Variants in TBC1D22A observed in about 807,000 individuals in gnomAD.
TBC1D22A encodes the protein putative GTPase activator.
TBC1D22A carries 38 observed loss-of-function variants against 60.2 expected under a neutral mutation model. The observed-to-expected ratio is 0.63, with a 90% CI of 0.49 to 0.83. TBC1D22A has a LOEUF of 0.83. Among genes scored for constraint, TBC1D22A ranks in the 40% least tolerant of loss-of-function variants. The pLI, the probability that TBC1D22A is intolerant of heterozygous loss-of-function variation, is 0.00. For synonymous variants in TBC1D22A, 302 were observed against 281.7 expected, an observed-to-expected ratio of 1.07 and a Z score of -0.72; for missense variants, 628 against 701.0, an observed-to-expected ratio of 0.90 and a Z score of 1.18.
intron 8 of TBC1D22A, among the ~76,000 whole-genome samples, chr22:46,965,515 A>G (rs570703816): frequency 6.6e-6 from 1 of 152,242 alleles, no homozygotes; most frequent in Non-Finnish European, 1.5e-5. Context: ...TGCAGAATGC[A>G]TTCGTCATCT....
intron 4 of TBC1D22A, among the ~76,000 whole-genome samples, chr22:46,805,854 T>C (rs1186907363): frequency 6.7e-6 from 1 of 149,986 alleles, no homozygotes; most frequent in Non-Finnish European, 1.5e-5. Flanking sequence ...CTTCTTCTTC[T>C]TTTTTTTCTT....
chr22:47,166,640 G>C (rs1973525505), intron 12 of TBC1D22A, among the ~76,000 whole-genome samples: 2 of 152,198 alleles, frequency 1.3e-5, no homozygotes, highest in South Asian at 4.1e-4. Context: ...TCCATCTGTT[G>C]CCTGACCTAC....
chr22:47,153,451 A>G (rs2067583280), intron 12 of TBC1D22A, among the ~76,000 whole-genome samples: 1 of 151,976 alleles, frequency 6.6e-6, no homozygotes, highest in South Asian at 2.1e-4. Context: ...AGGAAACAGC[A>G]TGGGCGGTGA....
At position 47,086,454 on chromosome 22, in the gene TBC1D22A, T is replaced by TCAAA. The variant is rs367825282; in HGVS notation, c.1330-25032_1330-25029dup. ...TGGGCGACAAGAGTGAAACCCCATC[T>TCAAA]CAAACAAACAAACAAACAAACAAAC... is the stretch of plus-strand genomic sequence containing the variant. On this transcript the variant is annotated intron_variant, in intron 11 of 12. Coordinates refer to ENST00000337137, the MANE Select transcript of TBC1D22A (RefSeq NM_014346.5). Among the ~76,000 whole-genome samples the TCAAA allele has an allele frequency of 5.9e-3, 901 of 152,152 alleles. 2 individuals carry two copies. Among genetic ancestry groups the TCAAA allele is most frequent in the African/African-American group, 8.6e-3 (358 of 41,494 alleles).
intron 9 of TBC1D22A, among the ~76,000 whole-genome samples, chr22:46,975,113 G>A (rs2074244342): frequency 6.6e-6 from 1 of 152,156 alleles, no homozygotes. Flanking sequence ...CAGCTGAGGG[G>A]GATGGATGGG....
At chr22:47,049,923 G>A (rs779175037) in intron 11 of TBC1D22A, among the ~76,000 whole-genome samples, 2 of 152,244 alleles carry the variant, frequency 1.3e-5, no homozygotes, top group African/African-American at 2.4e-5. Context: ...GTCCCCCTGT[G>A]TTTGGGGAAC....
chr22:47,081,209 C>T (rs1283447964), intron 11 of TBC1D22A, among the ~76,000 whole-genome samples: 2 of 151,872 alleles, frequency 1.3e-5, no homozygotes, highest in African/African-American at 4.8e-5. Flanking sequence ...CAAAATCTAC[C>T]CATGTGACTG....
At chr22:46,771,861 C>T (rs1313257198) in intron 1 of TBC1D22A, among the ~76,000 whole-genome samples, 1 of 152,054 alleles carries the variant, frequency 6.6e-6, no homozygotes, top group African/African-American at 2.4e-5. Flanking sequence ...TCCCAGAGTG[C>T]TGAGATTACA....
At chr22:46,808,025 TTAAAA>T (rs563314182) in intron 4 of TBC1D22A, among the ~76,000 whole-genome samples, 38 of 151,794 alleles carry the variant, frequency 2.5e-4, no homozygotes, top group Middle Eastern at 3.4e-3. Flanking sequence ...TCATAGATGA[TTAAAA>T]TAAGAAAATG....
At position 47,052,245 on chromosome 22, in the gene TBC1D22A, A is replaced by G. The variant is rs185891428; in HGVS notation, c.1329+15047A>G. Among the ~76,000 whole-genome samples the G allele has an allele frequency of 2.7e-3, 413 of 152,348 alleles. 1 individual carries two copies. The highest frequency in any genetic ancestry group is 4.2e-3 in the Non-Finnish European group (287 of 68,026). On this transcript the variant is annotated intron_variant, in intron 11 of 12. Coordinates refer to ENST00000337137, the MANE Select transcript of TBC1D22A (RefSeq NM_014346.5). ...TTTTGAATACTTGAGTCCATCAGGA[A>G]ATATTGAATCATTCCATAGTCCAGA...
At chr22:46,805,556 G>A (rs2085090403) in intron 4 of TBC1D22A, among the ~76,000 whole-genome samples, 2 of 152,174 alleles carry the variant, frequency 1.3e-5, no homozygotes, top group Admixed American at 1.3e-4. Context: ...GGAAGGAGCA[G>A]TCACCAGGGC....
chr22:46,854,961 A>C (rs952280463), intron 4 of TBC1D22A, among the ~76,000 whole-genome samples: 1 of 152,232 alleles, frequency 6.6e-6, no homozygotes, highest in Non-Finnish European at 1.5e-5. Flanking sequence ...TACTCCAATG[A>C]CACAATAGAT....
intron 11 of TBC1D22A, among the ~76,000 whole-genome samples, chr22:47,049,900 G>T (rs967539418): frequency 6.6e-6 from 1 of 152,242 alleles, no homozygotes; most frequent in African/African-American, 2.4e-5. Context: ...GAAAGGGGCT[G>T]CAGGGTGAAC....
At position 47,123,295 on chromosome 22, in the gene TBC1D22A, C is replaced by T. The variant is rs61671359; in HGVS notation, c.1425+11692C>T. 4.5e-3 allele frequency among the ~76,000 whole-genome samples: 679 copies of T among 152,232 alleles called. 6 individuals are homozygous for T. The highest frequency in any genetic ancestry group is 0.024 in the Middle Eastern group (7 of 294). On this transcript the variant is annotated intron_variant, in intron 12 of 12. Coordinates refer to ENST00000337137, the MANE Select transcript of TBC1D22A (RefSeq NM_014346.5). ...GCTGGAGGCCCCTCACCTGTGAAGCCCCCTTGCTGTGCTTACTGGGGGTTT... is the reference window on the plus strand; with the variant it reads ...GCTGGAGGCCCCTCACCTGTGAAGCTCCCTTGCTGTGCTTACTGGGGGTTT...
intron 12 of TBC1D22A, among the ~76,000 whole-genome samples, chr22:47,129,731 A>G (rs778936484): frequency 6.6e-5 from 10 of 152,218 alleles, no homozygotes; most frequent in Non-Finnish European, 1.3e-4. Context: ...AAAAATTTTT[A>G]TTTAATCAAA....
intron 8 of TBC1D22A, among the ~76,000 whole-genome samples, chr22:46,941,240 C>T (rs2072029806): frequency 7.2e-6 from 1 of 138,778 alleles, no homozygotes; most frequent in Admixed American, 7.1e-5. Flanking sequence ...CACACACAGT[C>T]CACCCTTGAA....
intron 11 of TBC1D22A, among the ~76,000 whole-genome samples, chr22:47,089,413 G>A (rs571711843): frequency 1.3e-5 from 2 of 152,244 alleles, no homozygotes; most frequent in African/African-American, 4.8e-5. Flanking sequence ...AGTGATGGAT[G>A]CAGGGCTGTC....
intron 5 of TBC1D22A, among the ~76,000 whole-genome samples, chr22:46,886,419 C>T (rs2147558264): frequency 6.6e-6 from 1 of 152,296 alleles, no homozygotes; most frequent in East Asian, 1.9e-4. Flanking sequence ...AGAGAGTGTT[C>T]TCCTCTGGGG....
intron 10 of TBC1D22A, among the ~76,000 whole-genome samples, chr22:47,017,927 C>T (rs2061959460): frequency 6.6e-6 from 1 of 152,242 alleles, no homozygotes. Flanking sequence ...TAGCCGCGAA[C>T]GTCCCTTTAA....
Sources: gnomAD v4.1 joint callset for allele counts (sites outside exome capture counted in the v4.1 genomes callset) on GRCh38, gnomAD v4.1.1 for gene constraint, MANE v1.5 for transcripts, NCBI Gene and HGNC (gene_info 2026-07-23, HGNC 2026-07-21) for gene names.